PTPRJ: variants seen among roughly 807,000 people sequenced by gnomAD.
The protein encoded by PTPRJ is protein tyrosine phosphatase receptor type J, also known as receptor-type tyrosine-protein phosphatase eta.
A neutral mutation model predicts 141.3 loss-of-function variants in PTPRJ; 129 were observed. That is an observed-to-expected ratio of 0.91 (90% CI 0.79 to 1.06). The LOEUF is 1.06. PTPRJ is among the 50% of genes least tolerant of loss of function. PTPRJ has a pLI of 0.00. For missense variants in PTPRJ, 1,601 were observed against 1,679.7 expected (o/e 0.95, Z 0.82); for synonymous variants, 610 against 640.5 (o/e 0.95, Z 0.72).
intron 1 of PTPRJ, among the ~76,000 whole-genome samples, chr11:48,024,794 C>A (rs755603398): frequency 2.0e-5 from 3 of 152,242 alleles, no homozygotes; most frequent in African/African-American, 4.8e-5. Context: ...TGCGCCAGGG[C>A]TACCTGGAGT....
At chr11:48,114,451 AAAAAAAAG>A (rs1856515050) in intron 3 of PTPRJ, among the ~76,000 whole-genome samples, 4 of 151,058 alleles carry the variant, frequency 2.6e-5, no homozygotes, top group African/African-American at 9.7e-5. Context: ...AAAAAAAAAA[AAAAAAAAG>A]AAAAATTCCT....
chr11:48,118,476 A>G (rs1277996829), intron 3 of PTPRJ, among the ~76,000 whole-genome samples: 1 of 152,238 alleles, frequency 6.6e-6, no homozygotes, highest in Non-Finnish European at 1.5e-5. Flanking sequence ...ATTTAACAAG[A>G]GCAGTATTAC....
intron 1 of PTPRJ, among the ~76,000 whole-genome samples, chr11:48,048,640 A>G (rs1854471402): frequency 6.6e-6 from 1 of 151,962 alleles, no homozygotes; most frequent in Non-Finnish European, 1.5e-5. Context: ...CTAAAAATAC[A>G]AAAATTAACC....
At chr11:47,992,259 C>G (rs1033328178) in intron 1 of PTPRJ, among the ~76,000 whole-genome samples, 2 of 152,024 alleles carry the variant, frequency 1.3e-5, no homozygotes, top group Non-Finnish European at 2.9e-5. Context: ...CTGTAACCTC[C>G]GCCTTCTGGG....
At chr11:48,074,820 G>A (rs1855357231) in intron 1 of PTPRJ, among the ~76,000 whole-genome samples, 1 of 152,096 alleles carries the variant, frequency 6.6e-6, no homozygotes, top group Non-Finnish European at 1.5e-5. Flanking sequence ...GGCCCTTGCT[G>A]GAATAATTAA....
At chr11:48,022,819 TAAAC>T (rs1590411188) in intron 1 of PTPRJ, among the ~76,000 whole-genome samples, 1 of 152,070 alleles carries the variant, frequency 6.6e-6, no homozygotes, top group Non-Finnish European at 1.5e-5. Context: ...GTGTTTCTGA[TAAAC>T]AAAGAAGTGT....
chr11:47,999,850 T>C (rs916264266), intron 1 of PTPRJ, among the ~76,000 whole-genome samples: 2 of 142,030 alleles, frequency 1.4e-5, no homozygotes, highest in Non-Finnish European at 3.0e-5. Context: ...TTTACTTTCA[T>C]GCCGAGATTC....
chr11:47,990,032 C>A (rs535306589), intron 1 of PTPRJ, among the ~76,000 whole-genome samples: 1 of 152,286 alleles, frequency 6.6e-6, no homozygotes, highest in Non-Finnish European at 1.5e-5. Context: ...AACATAAACA[C>A]AGCATTTTAT....
chr11:48,023,008 G>A (rs1439770567), intron 1 of PTPRJ, among the ~76,000 whole-genome samples: 3 of 152,058 alleles, frequency 2.0e-5, no homozygotes, highest in Non-Finnish European at 2.9e-5. Context: ...TAGGGCGGTG[G>A]GTAAAAGCCG....
intron 1 of PTPRJ, among the ~76,000 whole-genome samples, chr11:48,038,154 A>G (rs1221480995): frequency 3.3e-5 from 5 of 152,120 alleles, no homozygotes; most frequent in Admixed American, 6.6e-5. Context: ...ATCTACTTGA[A>G]GACAAGAGCT....
chr11:48,124,871 G>A, intron 5 of PTPRJ, 97 bp from the exon 6 acceptor site: 2 of 1,140,426 alleles, frequency 1.8e-6, no homozygotes, highest in Non-Finnish European at 2.6e-6. Flanking sequence ...TGTGGCCACT[G>A]TCTGATGGCC....
At chr11:48,134,842 C>T (rs1857051992) in intron 8 of PTPRJ, among the ~76,000 whole-genome samples, 1 of 152,182 alleles carries the variant, frequency 6.6e-6, no homozygotes, top group South Asian at 2.1e-4. Flanking sequence ...ATTTCTGACT[C>T]TGCTCTGAAG....
rs548117958 is a variant in PTPRJ, at chr11:48,153,904, C to T, written c.3229+18C>T. On this transcript the variant is annotated intron_variant, in intron 19 of 24. Coordinates refer to ENST00000418331, the MANE Select transcript of PTPRJ (RefSeq NM_002843.4). The stretch of plus-strand genomic sequence containing the variant: ...TCTGCCCTGTAAGTTATTTTATCTA[C>T]AGCATCTTCTCTGTGTTCCATCAGT... 1.2e-4 allele frequency: 191 copies of T among 1,534,404 alleles called. No homozygotes were observed. In the South Asian group the frequency reaches 2.0e-3, roughly 16 times the overall value.
At chr11:47,986,322 T>C (rs1854049800) in intron 1 of PTPRJ, among the ~76,000 whole-genome samples, 1 of 152,150 alleles carries the variant, frequency 6.6e-6, no homozygotes. Flanking sequence ...AGCAAGTCAC[T>C]TAACCTCTGT....
intron 1 of PTPRJ, among the ~76,000 whole-genome samples, chr11:48,070,758 G>A (rs980049837): frequency 4.6e-5 from 7 of 152,142 alleles, no homozygotes; most frequent in Non-Finnish European, 7.3e-5. Flanking sequence ...AAATGTGAAC[G>A]TGCCATTGCT....
At chr11:48,082,855 A>C (rs1855600409) in intron 1 of PTPRJ, among the ~76,000 whole-genome samples, 1 of 152,162 alleles carries the variant, frequency 6.6e-6, no homozygotes, top group Non-Finnish European at 1.5e-5. Flanking sequence ...AAAATAGGTG[A>C]ATAGTATCTA....
At chr11:48,056,265 T>G (rs1425505246) in intron 1 of PTPRJ, among the ~76,000 whole-genome samples, 1 of 152,214 alleles carries the variant, frequency 6.6e-6, no homozygotes, top group Non-Finnish European at 1.5e-5. Context: ...TAAATACGTT[T>G]CAGCCAGATA....
intron 8 of PTPRJ, among the ~76,000 whole-genome samples, chr11:48,135,792 T>G (rs548750285): frequency 3.3e-5 from 5 of 152,340 alleles, no homozygotes; most frequent in African/African-American, 1.2e-4. Context: ...GGCTCATTTT[T>G]AAGACAACAA....
chr11:48,156,792 G>T (rs536460796), intron 21 of PTPRJ, among the ~76,000 whole-genome samples: 2 of 151,958 alleles, frequency 1.3e-5, no homozygotes, highest in East Asian at 1.9e-4. Flanking sequence ...TCACTGTGTT[G>T]CCCAGGCTGG....
Sources: gnomAD v4.1 joint callset for allele counts (sites outside exome capture counted in the v4.1 genomes callset) on GRCh38, gnomAD v4.1.1 for gene constraint, MANE v1.5 for transcripts, NCBI Gene and HGNC (gene_info 2026-07-23, HGNC 2026-07-21) for gene names.